Variants in USP10 observed in about 807,000 individuals in gnomAD.
USP10 encodes ubiquitin carboxyl-terminal hydrolase 10.
In USP10, 22 loss-of-function variants were observed where a neutral mutation model predicts 84.5. The ratio of observed to expected loss-of-function variants is 0.26; its 90% confidence interval spans 0.19 to 0.37. The LOEUF (loss-of-function observed/expected upper bound fraction) is 0.37, where lower values mean the gene tolerates loss of function less well. Ranked by LOEUF, USP10 falls within the 10% of genes least tolerant of loss-of-function variation. USP10 has a pLI of 1.00. For synonymous variants in USP10, 454 were observed against 387.6 expected (o/e 1.17, Z -2.01); for missense variants, 1,019 against 998.9 (o/e 1.02, Z -0.27).
chr16:84,761,077 A>G (rs1913151594), intron 8 of USP10, among the ~76,000 whole-genome samples: 1 of 152,172 alleles, frequency 6.6e-6, no homozygotes, highest in South Asian at 2.1e-4. Context: ...AGCTTTTGGT[A>G]TTGGCTTGGA....
chr16:84,773,339 G>A (rs1256114976), intron 12 of USP10, among the ~76,000 whole-genome samples: 1 of 152,160 alleles, frequency 6.6e-6, no homozygotes, highest in Non-Finnish European at 1.5e-5. Context: ...GAGGTGTTTG[G>A]GAAGCAGAAA....
rs1012502568 is a variant in USP10, at chr16:84,779,804, T to C, written c.*722T>C. On this transcript the variant is annotated 3_prime_UTR_variant, in exon 14 of 14. Coordinates refer to ENST00000219473, the MANE Select transcript of USP10 (RefSeq NM_005153.3). Reference sequence around the variant, plus strand: ...AATGAAGATCTCTCCTTCAGTCTGCTCTGTTTAATTCTGCTGTCTGCTCTT... The same window carrying C: ...AATGAAGATCTCTCCTTCAGTCTGCCCTGTTTAATTCTGCTGTCTGCTCTT... 13 of 152,596 alleles carry C rather than the reference T, an allele frequency of 8.5e-5. No homozygotes were observed. 9.5% of individuals were successfully genotyped at this position (152,596 alleles called of 1,614,324 possible).
intron 1 of USP10, among the ~76,000 whole-genome samples, chr16:84,719,100 T>C (rs868668913): frequency 6.6e-6 from 1 of 152,006 alleles, no homozygotes; most frequent in Non-Finnish European, 1.5e-5. Context: ...CCAGTTTAGT[T>C]GTTGTTGTTG....
intron 13 of USP10, 69 bp downstream of exon 13, chr16:84,775,294 G>T: frequency 6.6e-7 from 1 of 1,520,804 alleles, no homozygotes; most frequent in Non-Finnish European, 9.1e-7. Flanking sequence ...CTGGGCACAG[G>T]TTTGCTGCAA....
At position 84,745,140 on chromosome 16, in the gene USP10, G is replaced by T. The variant is rs1256491829; in HGVS notation, c.659G>T (p.Ser220Ile). ...CCCCAGAACTCCACAGACTCTGTCA[G>T]TGACATTGTGCCTGACAGTCCTTTC... ...NSPQNSTDSV[S>I]DIVPDSPFPG... Residue 220 changes from serine to isoleucine, a missense_variant, in exon 4 of 14, where the codon AGT becomes ATT. Physicochemically the swap from Ser to Ile is moderately radical, Grantham distance 142. Coordinates refer to ENST00000219473, the MANE Select transcript of USP10 (RefSeq NM_005153.3). The T allele has an allele frequency of 1.2e-6, 2 of 1,613,544 alleles. No individual in the cohort carries two copies. Among genetic ancestry groups the T allele is most frequent in the South Asian group, 1.1e-5 (1 of 91,066 alleles).
At chr16:84,720,810 C>A (rs886255668) in intron 1 of USP10, among the ~76,000 whole-genome samples, 8 of 150,988 alleles carry the variant, frequency 5.3e-5, no homozygotes, top group Non-Finnish European at 8.8e-5. Flanking sequence ...TCTCGATCTC[C>A]TGACCTCATG....
chr16:84,710,749 C>T (rs1214239305), intron 1 of USP10, among the ~76,000 whole-genome samples: 1 of 152,022 alleles, frequency 6.6e-6, no homozygotes, highest in African/African-American at 2.4e-5. Flanking sequence ...CTCGAGTGCC[C>T]TCTTCTAATA....
At chr16:84,747,554 ATTTTTTTTTTTT>A (rs71151244) in intron 4 of USP10, among the ~76,000 whole-genome samples, 128 of 73,040 alleles carry the variant, frequency 1.8e-3, no homozygotes, top group African/African-American at 7.3e-3. Flanking sequence ...AAGCCAGGTG[ATTTTTTTTTTTT>A]TTTTTTTTTT....
chr16:84,739,666 A>T (rs545035008), intron 2 of USP10, among the ~76,000 whole-genome samples: 3 of 152,204 alleles, frequency 2.0e-5, no homozygotes, highest in Non-Finnish European at 2.9e-5. Context: ...AGAAAAATTT[A>T]AGTTATTTTT....
intron 13 of USP10, among the ~76,000 whole-genome samples, chr16:84,778,200 C>T (rs1567659254): frequency 6.6e-6 from 1 of 151,768 alleles, no homozygotes; most frequent in African/African-American, 2.4e-5. Flanking sequence ...CCGCAGTGCC[C>T]CACCACAGCT....
At chr16:84,731,073 G>A (rs934739165) in intron 1 of USP10, among the ~76,000 whole-genome samples, 11 of 147,938 alleles carry the variant, frequency 7.4e-5, no homozygotes, top group African/African-American at 2.8e-4. Context: ...TCCACCTCCC[G>A]GGTTCAAGCG....
intron 1 of USP10, among the ~76,000 whole-genome samples, chr16:84,708,526 G>T (rs558938685): frequency 6.6e-5 from 10 of 152,208 alleles, no homozygotes; most frequent in Non-Finnish European, 1.5e-4. Context: ...TTTATGAGAG[G>T]ACAAACTTTT....
At chr16:84,700,500 G>A (rs994112301) in intron 1 of USP10, among the ~76,000 whole-genome samples, 2 of 152,062 alleles carry the variant, frequency 1.3e-5, no homozygotes, top group East Asian at 3.9e-4. Flanking sequence ...CTGGAGCGCA[G>A]GGGCCCCAGA....
rs1200180862 is a variant in USP10 at position 84,760,242 on chromosome 16, C to T, written c.1521C>T (p.Leu507=). The part of the protein sequence containing the change: ...AAFEPTYIYR[L]LTVNKSSLSE... ...TTGAGCCCACATATATTTACAGACTCCTGACAGTTAACAAGTCAAGCCTGT... is the reference window on the plus strand; with the variant it reads ...TTGAGCCCACATATATTTACAGACTTCTGACAGTTAACAAGTCAAGCCTGT... The change falls in exon 8 of 14, where the codon CTC becomes CTT. Residue 507 remains leucine, a synonymous_variant. Coordinates refer to ENST00000219473, the MANE Select transcript of USP10 (RefSeq NM_005153.3). 5 of 1,610,156 alleles carry T rather than the reference C, an allele frequency of 3.1e-6. No individual in the cohort carries two copies. The highest frequency in any genetic ancestry group is 3.4e-5 in the Admixed American group (2 of 59,544).
chr16:84,700,034 C>A lies in USP10; in HGVS notation c.-57C>A. The A allele has an allele frequency of 7.5e-7, 1 of 1,338,064 alleles. No homozygotes were observed. Among genetic ancestry groups the A allele is most frequent in the South Asian group, 1.4e-5 (1 of 72,198 alleles). The allele number at this position is 1,338,064 out of a possible 1,614,324, so 82.9% of individuals were successfully genotyped here. A position where few individuals can be genotyped will look rare whatever the true frequency, so the allele number is the denominator to read the frequency against. On this transcript the variant is annotated 5_prime_UTR_variant, in exon 1 of 14. Transcript: ENST00000219473. ...TGTGCGGGCGAGAAGATGGCGGCGG[C>A]GGGGGAAGCAGCGTGAGCAGCCGGA... is the stretch of plus-strand genomic sequence containing the variant.
At chr16:84,764,702 G>A (rs11862543) in intron 10 of USP10, among the ~76,000 whole-genome samples, 13,815 of 151,930 alleles carry the variant, frequency 0.091, 731 homozygotes, top group African/African-American at 0.15. Flanking sequence ...GTGGTGACAG[G>A]CACCTGTAAT....
chr16:84,727,916 A>G (rs552222974), intron 1 of USP10, among the ~76,000 whole-genome samples: 2 of 152,362 alleles, frequency 1.3e-5, no homozygotes, highest in Admixed American at 1.3e-4. Flanking sequence ...GGAGTTGACC[A>G]TATAATGTCC....
intron 1 of USP10, among the ~76,000 whole-genome samples, chr16:84,731,600 A>C (rs1909241206): frequency 6.6e-6 from 1 of 152,172 alleles, no homozygotes; most frequent in African/African-American, 2.4e-5. Context: ...TCTATGAAAA[A>C]ATACTCTGGC....
At chr16:84,758,917 C>A in intron 5 of USP10, 110 bp downstream of exon 5, 1 of 785,068 alleles carries the variant, frequency 1.3e-6, no homozygotes, top group Admixed American at 2.0e-5. Context: ...CCATTTGAAT[C>A]CCTAAGTCTG....
Sources: gnomAD v4.1 joint callset for allele counts (sites outside exome capture counted in the v4.1 genomes callset) on GRCh38, gnomAD v4.1.1 for gene constraint, MANE v1.5 for transcripts, NCBI Gene and HGNC (gene_info 2026-07-23, HGNC 2026-07-21) for gene names.